ELP2: variants seen among roughly 807,000 people sequenced by gnomAD.
ELP2 encodes the protein elongator acetyltransferase complex subunit 2, also known as elongator complex protein 2.
ELP2 carries 90 observed loss-of-function variants against 119.2 expected under a neutral mutation model. The ratio of observed to expected loss-of-function variants is 0.75; its 90% CI spans 0.64 to 0.90. The LOEUF (loss-of-function observed/expected upper bound fraction) is 0.90, where lower values mean the gene tolerates loss of function less well. Among genes scored for constraint, ELP2 ranks in the 40% least tolerant of loss-of-function variants. The pLI is 0.00. For missense variants in ELP2, 921 were observed against 967.8 expected, an observed-to-expected ratio of 0.95 and a Z score of 0.64; for synonymous variants, 339 against 331.0, an observed-to-expected ratio of 1.02 and a Z score of -0.26.
At position 36,146,064 on chromosome 18, in the gene ELP2, A is replaced by G. The variant is rs2090189279; in HGVS notation, c.993+16A>G. The G allele has an allele frequency of 1.9e-6, 3 of 1,610,340 alleles. No individual in the cohort carries two copies. Among genetic ancestry groups the G allele is most frequent in the East Asian group, 4.5e-5 (2 of 44,866 alleles). On this transcript the variant is annotated intron_variant, in intron 10 of 21. Coordinates refer to ENST00000358232, the MANE Select transcript of ELP2 (RefSeq NM_018255.4). ...GCTAGAACAGGTAAAAATGTTGGAT[A>G]TTTAAGGAACAGAAAATTAAGTTTT...
In ELP2 at chr18:36,154,288, C is replaced by T. The variant is rs910332860; in HGVS notation, c.1126-562C>T. Among the ~76,000 whole-genome samples, 9 of 152,230 alleles carry T rather than the reference C, an allele frequency of 5.9e-5. No homozygotes were observed. In the South Asian group the frequency reaches 1.9e-3, roughly 32 times the overall value. On this transcript the variant is annotated intron_variant, in intron 11 of 21. Transcript: ENST00000358232. ...TTATTTGTTTATATGGTTGTTGTTGCAGGCTTCTTAGTAGGTGAACCAACT... is the reference window on the plus strand; with the variant it reads ...TTATTTGTTTATATGGTTGTTGTTGTAGGCTTCTTAGTAGGTGAACCAACT...
intron 13 of ELP2, among the ~76,000 whole-genome samples, chr18:36,157,277 A>G (rs1373625771): frequency 1.3e-5 from 2 of 152,220 alleles, no homozygotes; most frequent in Admixed American, 6.5e-5. Context: ...AAGTAGGAAG[A>G]TAGGTTACAC....
intron 17 of ELP2, among the ~76,000 whole-genome samples, chr18:36,162,848 T>C (rs1207078115): frequency 1.3e-5 from 2 of 152,218 alleles, no homozygotes; most frequent in East Asian, 1.9e-4. Flanking sequence ...TATGAAAATA[T>C]GGTGAAACTA....
intron 21 of ELP2, 70 bp downstream of exon 21, chr18:36,171,230 T>C: frequency 9.5e-7 from 1 of 1,047,144 alleles, no homozygotes; most frequent in South Asian, 1.3e-5. Context: ...GCAAATTTTA[T>C]GCCACATTTT....
Position 36,174,617 on chromosome 18 carries a change from C to G in ELP2, c.2457C>G (p.His819Gln). 2.5e-6 allele frequency: 4 copies of G among 1,614,108 alleles called. No homozygotes were observed. Among genetic ancestry groups the G allele is most frequent in the Non-Finnish European group, 3.4e-6 (4 of 1,180,020 alleles). The change falls in exon 22 of 22, where the codon CAC becomes CAG. Residue 819 changes from histidine to glutamine, a missense_variant. His to Gln is a conservative substitution (Grantham distance 24). Transcript: ENST00000358232. Reference protein sequence around the residue: ...SCGEDHTVKIHRVNKCAL With the variant: ...SCGEDHTVKIQRVNKCAL ...GTGAAGATCACACTGTGAAGATACA[C>G]AGAGTCAATAAATGTGCACTGTAAT...
intron 11 of ELP2, among the ~76,000 whole-genome samples, chr18:36,146,899 T>G (rs1248770761): frequency 6.6e-6 from 1 of 152,140 alleles, no homozygotes. Context: ...ATTCCTTCTC[T>G]TACTTTGTAA....
In ELP2 at chr18:36,167,016, G is replaced by A. The variant is rs547915869; in HGVS notation, c.1955-85G>A. The A allele has an allele frequency of 9.7e-4, 1,344 of 1,383,888 alleles. 4 individuals are homozygous for A. The highest frequency in any genetic ancestry group is 1.1e-3 in the Non-Finnish European group (1,148 of 1,018,578). 85.7% of individuals were successfully genotyped at this position (1,383,888 alleles called of 1,614,324 possible). A position where few individuals can be genotyped will look rare whatever the true frequency, so the allele number is the denominator to read the frequency against. ...TAAATTGAATATTAAGTCATATGGT[G>A]TATATGGCACTTAAACATCACTTCC... On this transcript the variant is annotated intron_variant, in intron 18 of 21. Coordinates refer to ENST00000358232, the MANE Select transcript of ELP2 (RefSeq NM_018255.4).
intron 15 of ELP2, 27 bp downstream of exon 15, chr18:36,159,857 A>T: frequency 6.2e-7 from 1 of 1,608,674 alleles, no homozygotes; most frequent in South Asian, 1.1e-5. Flanking sequence ...ACAATTTAAT[A>T]AATCGCTAGA....
chr18:36,142,189 C>A (rs762767520), intron 6 of ELP2, 92 bp from the exon 7 acceptor site: 40 of 988,308 alleles, frequency 4.0e-5, no homozygotes, highest in Non-Finnish European at 6.2e-5. Flanking sequence ...AAAAGAGCAA[C>A]GCAGTAGGAC....
At chr18:36,136,262 A>T (rs1257711879) in intron 2 of ELP2, 45 bp from the exon 3 acceptor site, 1 of 1,469,632 alleles carries the variant, frequency 6.8e-7, no homozygotes, top group East Asian at 2.3e-5. Context: ...TAAAAATTGC[A>T]GAAAAAATGA....
chr18:36,153,754 A>G (rs1266500507), intron 11 of ELP2, among the ~76,000 whole-genome samples: 1 of 152,172 alleles, frequency 6.6e-6, no homozygotes, highest in Admixed American at 6.5e-5. Flanking sequence ...TATGGTATTG[A>G]AAGTGACTTG....
rs1287395956 is a variant in ELP2 at position 36,156,667 on chromosome 18, C to G, written c.1464+13C>G. The G allele has an allele frequency of 6.8e-6, 11 of 1,611,706 alleles. No individual in the cohort carries two copies. Among genetic ancestry groups the G allele is most frequent in the Non-Finnish European group, 9.3e-6 (11 of 1,178,164 alleles). ...TGTGCTCTGTAATGTGAGTATTTCT[C>G]TAAATATTTTACCTAAATCTAGTCA... On this transcript the variant is annotated intron_variant, in intron 13 of 21. Coordinates refer to ENST00000358232, the MANE Select transcript of ELP2 (RefSeq NM_018255.4).
intron 14 of ELP2, among the ~76,000 whole-genome samples, chr18:36,159,338 C>T (rs187881209): frequency 5.9e-5 from 9 of 152,122 alleles, no homozygotes; most frequent in Non-Finnish European, 1.2e-4. Context: ...GTCTGGAACT[C>T]CTGACCTCAG....
At chr18:36,147,341 T>G (rs2090241176) in intron 11 of ELP2, among the ~76,000 whole-genome samples, 1 of 152,072 alleles carries the variant, frequency 6.6e-6, no homozygotes, top group African/African-American at 2.4e-5. Flanking sequence ...TCTCCCAAAG[T>G]GCTGGGATTA....
intron 11 of ELP2, among the ~76,000 whole-genome samples, chr18:36,146,690 T>C (rs756887150): frequency 6.5e-4 from 99 of 152,198 alleles, no homozygotes; most frequent in South Asian, 2.1e-4. Context: ...ATCCCTATTA[T>C]TGAATGAATG....
chr18:36,174,629 ATG>A lies in ELP2; in HGVS notation c.2472_2473del (p.Ala825ThrfsTer16). 6.2e-7 allele frequency: 1 copy of A among 1,614,124 alleles called. No individual in the cohort carries two copies. On this transcript the variant is annotated frameshift_variant, in exon 22 of 22. Transcript: ENST00000358232. LOFTEE classifies it high-confidence loss of function. ...CTGTGAAGATACACAGAGTCAATAA[ATG>A]TGCACTGTAATGGACTTAATAACTA... is the stretch of plus-strand genomic sequence containing the variant. The part of the protein sequence containing the change: ...HTVKIHRVNK[C>X]AL
At chr18:36,136,986 T>C (rs1279476788) in intron 3 of ELP2, among the ~76,000 whole-genome samples, 1 of 150,104 alleles carries the variant, frequency 6.7e-6, no homozygotes, top group African/African-American at 2.5e-5. Context: ...TCAATAGATT[T>C]AGTTTTTTCA....
At position 36,164,568 on chromosome 18, in the gene ELP2, C is replaced by T; in HGVS notation, c.1855C>T (p.Gln619Ter). Reference sequence around the variant, plus strand: ...AGTTTTCCACAGTTTGACAGTCACGCAGATGGCCTTCTCACCTAATGAGAA... The same window carrying T: ...AGTTTTCCACAGTTTGACAGTCACGTAGATGGCCTTCTCACCTAATGAGAA... ...NLVFHSLTVT[Q>*]MAFSPNEKFL... is the part of the protein sequence containing the mutation. The change falls in exon 18 of 22, where the codon CAG (glutamine) becomes TAG (stop). Residue 619 changes from glutamine to a stop codon, truncating the protein, a stop_gained. Coordinates refer to ENST00000358232, the MANE Select transcript of ELP2 (RefSeq NM_018255.4). LOFTEE classifies it high-confidence loss of function. 6.2e-7 allele frequency: 1 copy of T among 1,614,066 alleles called. No homozygotes were observed. The highest frequency in any genetic ancestry group is 8.5e-7 in the Non-Finnish European group (1 of 1,179,960).
chr18:36,138,135 G>A, intron 3 of ELP2, 135 bp from the exon 4 acceptor site: 1 of 792,692 alleles, frequency 1.3e-6, no homozygotes, highest in Non-Finnish European at 2.0e-6. Flanking sequence ...TGGTCAGACA[G>A]ACTTCTTGAA....
Sources: allele counts gnomAD v4.1 joint callset (sites outside exome capture counted in the v4.1 genomes callset), GRCh38; gene constraint gnomAD v4.1.1; transcripts MANE v1.5; gene names NCBI Gene and HGNC (gene_info 2026-07-23, HGNC 2026-07-21).